SGCZ: variants seen among roughly 807,000 people sequenced by gnomAD.
The protein encoded by SGCZ is sarcoglycan zeta.
SGCZ carries 40 observed loss-of-function variants against 41.3 expected under a neutral mutation model. The observed-to-expected ratio is 0.97, with a 90% CI of 0.75 to 1.26. The LOEUF (loss-of-function observed/expected upper bound fraction) is 1.26. Among genes scored for constraint, SGCZ ranks in the 50% most tolerant of loss-of-function variants. The pLI is 0.00. For synonymous variants in SGCZ, 206 were observed against 137.5 expected (o/e 1.50, Z -3.49); for missense variants, 552 against 369.8 (o/e 1.49, Z -4.04).
intron 2 of SGCZ, among the ~76,000 whole-genome samples, chr8:14,332,302 G>A (rs778044393): frequency 3.9e-5 from 6 of 152,170 alleles, no homozygotes; most frequent in Middle Eastern, 3.4e-3. Context: ...TTAGTCGGGC[G>A]TGGTGGTGGG....
intron 2 of SGCZ, among the ~76,000 whole-genome samples, chr8:14,516,010 A>G (rs142449192): frequency 2.4e-4 from 37 of 152,150 alleles, no homozygotes; most frequent in African/African-American, 8.7e-4. Context: ...TTTTTAATTT[A>G]AGAATTACAT....
intron 2 of SGCZ, among the ~76,000 whole-genome samples, chr8:14,418,189 G>T (rs1340251936): frequency 3.9e-5 from 6 of 151,908 alleles, no homozygotes; most frequent in Admixed American, 3.9e-4. Context: ...AGTTCAACGG[G>T]ATGTATACCA....
At chr8:14,190,746 G>A (rs916410805) in intron 4 of SGCZ, among the ~76,000 whole-genome samples, 4 of 151,842 alleles carry the variant, frequency 2.6e-5, no homozygotes, top group South Asian at 2.1e-4. Context: ...GGGACTACAG[G>A]TGCCCTCCAC....
chr8:15,220,022 C>G (rs746796097), intron 1 of SGCZ, among the ~76,000 whole-genome samples: 2 of 152,032 alleles, frequency 1.3e-5, no homozygotes, highest in Non-Finnish European at 2.9e-5. Flanking sequence ...TCTAACAATG[C>G]CTTTGAAATG....
At chr8:14,965,793 C>T (rs1243350776) in intron 1 of SGCZ, among the ~76,000 whole-genome samples, 1 of 151,788 alleles carries the variant, frequency 6.6e-6, no homozygotes, top group African/African-American at 2.4e-5. Context: ...TATAAATATC[C>T]AATGCTAGTA....
intron 2 of SGCZ, among the ~76,000 whole-genome samples, chr8:14,333,863 G>A: frequency 6.6e-6 from 1 of 152,216 alleles, no homozygotes; most frequent in Non-Finnish European, 1.5e-5. Flanking sequence ...CTCAAAAATA[G>A]GTGATTAAGG....
chr8:15,237,426 G>A (rs1341103202), intron 1 of SGCZ, among the ~76,000 whole-genome samples, 159 bp downstream of exon 1: 1 of 152,212 alleles, frequency 6.6e-6, no homozygotes, highest in Non-Finnish European at 1.5e-5. Context: ...CTCGGCCCCA[G>A]CAGGGGCGCC....
intron 1 of SGCZ, among the ~76,000 whole-genome samples, chr8:14,611,217 C>T (rs1419148625): frequency 6.6e-6 from 1 of 152,154 alleles, no homozygotes; most frequent in African/African-American, 2.4e-5. Flanking sequence ...AGTCTTTCCT[C>T]TATCCTTTTC....
At chr8:14,530,799 A>G (rs1287562679) in intron 2 of SGCZ, among the ~76,000 whole-genome samples, 2 of 152,154 alleles carry the variant, frequency 1.3e-5, no homozygotes, top group African/African-American at 4.8e-5. Flanking sequence ...CATGAGCCAA[A>G]TAGTGACACC....
At position 14,717,805 on chromosome 8, in the gene SGCZ, T is replaced by G. The variant is rs866608875; in HGVS notation, c.40-162879A>C. Among the ~76,000 whole-genome samples, 16 of 152,062 alleles carry G rather than the reference T, an allele frequency of 1.1e-4. 1 individual carries two copies. The highest frequency in any genetic ancestry group is 2.1e-4 in the Non-Finnish European group (14 of 68,014). Reference sequence around the variant, plus strand: ...TGTGAAAAAGGGATAACTTACATTATTTGGTTTCTTATTTAAAAATCACCT... The same window carrying G: ...TGTGAAAAAGGGATAACTTACATTAGTTGGTTTCTTATTTAAAAATCACCT... On this transcript the variant is annotated intron_variant, in intron 1 of 7. Coordinates refer to ENST00000382080, the MANE Select transcript of SGCZ (RefSeq NM_139167.4).
intron 1 of SGCZ, among the ~76,000 whole-genome samples, chr8:14,657,297 T>A (rs1807608310): frequency 6.6e-6 from 1 of 152,042 alleles, no homozygotes; most frequent in Non-Finnish European, 1.5e-5. Flanking sequence ...CCATGTACAC[T>A]GACAGTGAGA....
chr8:14,498,086 T>G (rs551369155), intron 2 of SGCZ, among the ~76,000 whole-genome samples: 1 of 152,294 alleles, frequency 6.6e-6, no homozygotes, highest in South Asian at 2.1e-4. Flanking sequence ...TATTGGGATT[T>G]TGGGGGGCCC....
At chr8:14,392,421 A>G (rs946365431) in intron 2 of SGCZ, among the ~76,000 whole-genome samples, 2 of 152,198 alleles carry the variant, frequency 1.3e-5, no homozygotes, top group African/African-American at 2.4e-5. Flanking sequence ...GGTAATCAAA[A>G]TGATATGAAT....
At chr8:14,391,692 G>A (rs549707088) in intron 2 of SGCZ, among the ~76,000 whole-genome samples, 14 of 152,190 alleles carry the variant, frequency 9.2e-5, no homozygotes, top group African/African-American at 1.2e-4. Context: ...ATATAGTGAC[G>A]AACGGGAGTG....
At chr8:14,734,048 G>A (rs1798952477) in intron 1 of SGCZ, among the ~76,000 whole-genome samples, 1 of 152,136 alleles carries the variant, frequency 6.6e-6, no homozygotes, top group Non-Finnish European at 1.5e-5. Flanking sequence ...TAGCACTTAT[G>A]TACCTTGAAA....
At chr8:14,171,762 C>A (rs1804390297) in intron 4 of SGCZ, among the ~76,000 whole-genome samples, 1 of 125,144 alleles carries the variant, frequency 8.0e-6, no homozygotes, top group Middle Eastern at 4.8e-3. Flanking sequence ...ATAAGGATAT[C>A]TAAGCTATGC....
chr8:14,509,742 C>T (rs564096356), intron 2 of SGCZ, among the ~76,000 whole-genome samples: 53 of 152,132 alleles, frequency 3.5e-4, no homozygotes, highest in Middle Eastern at 3.4e-3. Context: ...GAGGTTTAAT[C>T]GACTCACAGT....
chr8:14,461,339 G>T (rs924048856), intron 2 of SGCZ, among the ~76,000 whole-genome samples: 1 of 152,056 alleles, frequency 6.6e-6, no homozygotes, highest in Non-Finnish European at 1.5e-5. Context: ...AATGAATATA[G>T]CTTACCCCAG....
chr8:14,449,326 A>T (rs946783315), intron 2 of SGCZ, among the ~76,000 whole-genome samples: 2 of 152,146 alleles, frequency 1.3e-5, no homozygotes, highest in African/African-American at 4.8e-5. Flanking sequence ...TTGTCCACTT[A>T]TTCTCAAAAA....
Sources: gnomAD v4.1 joint callset for allele counts (sites outside exome capture counted in the v4.1 genomes callset) on GRCh38, gnomAD v4.1.1 for gene constraint, MANE v1.5 for transcripts, NCBI Gene and HGNC (gene_info 2026-07-23, HGNC 2026-07-21) for gene names.